GLUD1: variants seen among roughly 807,000 people sequenced by gnomAD.
GLUD1 encodes the protein glutamate dehydrogenase 1, mitochondrial.
Under a neutral mutation model 56.0 loss-of-function variants are expected in GLUD1, and 22 were observed. The ratio of observed to expected loss-of-function variants is 0.39; its 90% CI spans 0.28 to 0.56. GLUD1 has a LOEUF of 0.56. Ranked by LOEUF, GLUD1 falls within the 20% of genes least tolerant of loss-of-function variation. The probability of loss-of-function intolerance (pLI) is 0.58; values close to 1 mark genes in which losing one functional copy is unlikely to be tolerated. For synonymous variants in GLUD1, 223 were observed against 269.9 expected, an observed-to-expected ratio of 0.83 and a Z score of 1.70; for missense variants, 451 against 732.0, an observed-to-expected ratio of 0.62 and a Z score of 4.43.
chr10:87,069,340 C>T (rs1479835280), intron 4 of GLUD1, among the ~76,000 whole-genome samples: 4 of 151,888 alleles, frequency 2.6e-5, no homozygotes, highest in Non-Finnish European at 4.4e-5. Context: ...CATGGTGAAA[C>T]CCTGCCTTTA....
At chr10:87,068,023 A>G (rs376119759) in intron 5 of GLUD1, 40 bp downstream of exon 5, 40 of 1,152,108 alleles carry the variant, frequency 3.5e-5, no homozygotes, top group Non-Finnish European at 4.9e-5. Flanking sequence ...TCTTGTAGAC[A>G]GCAAATGCAG....
At position 87,076,533 on chromosome 10, in the gene GLUD1, T is replaced by G. The variant is rs766039754; in HGVS notation, c.526+43A>C. On this transcript the variant is annotated intron_variant, in intron 2 of 12. Transcript: ENST00000277865. Reference sequence around the variant, plus strand: ...ACAGTAACATGTGTGTAAACATATTTCCCCAGAGTTCTCATTAGGCAGCAA... The same window carrying G: ...ACAGTAACATGTGTGTAAACATATTGCCCCAGAGTTCTCATTAGGCAGCAA... The G allele has an allele frequency of 7.3e-6, 8 of 1,092,056 alleles. No individual in the cohort carries two copies. The South Asian group carries it at 9.9e-5, about 14-fold the overall frequency. 67.6% of individuals were successfully genotyped at this position (1,092,056 alleles called of 1,614,324 possible).
intron 1 of GLUD1, among the ~76,000 whole-genome samples, chr10:87,083,741 T>C (rs990240294): frequency 6.6e-6 from 1 of 152,084 alleles, no homozygotes; most frequent in Non-Finnish European, 1.5e-5. Context: ...TCCTAGCACA[T>C]TGGGAGGCTG....
chr10:87,089,953 T>C (rs971592541), intron 1 of GLUD1, among the ~76,000 whole-genome samples: 1 of 152,238 alleles, frequency 6.6e-6, no homozygotes, highest in Non-Finnish European at 1.5e-5. Context: ...GAATCATGCA[T>C]GTGTATTTTA....
At chr10:87,051,994 AG>A in intron 12 of GLUD1, 124 bp from the exon 13 acceptor site, 1 of 1,112,044 alleles carries the variant, frequency 9.0e-7, no homozygotes, top group South Asian at 1.2e-5. Context: ...GGACTTGGGC[AG>A]CCAAAGACAA....
intron 1 of GLUD1, among the ~76,000 whole-genome samples, chr10:87,091,822 G>A (rs1841515829): frequency 1.3e-5 from 2 of 151,826 alleles, no homozygotes; most frequent in African/African-American, 4.8e-5. Context: ...GATACAGAAA[G>A]CTGAAGGTTG....
chr10:87,056,107 C>A (rs1428776192), intron 11 of GLUD1, among the ~76,000 whole-genome samples: 1 of 94,406 alleles, frequency 1.1e-5, no homozygotes. Flanking sequence ...CAGATCGAGA[C>A]TCTGTCTCAA....
chr10:87,086,026 T>C (rs1841372321), intron 1 of GLUD1, among the ~76,000 whole-genome samples: 1 of 152,184 alleles, frequency 6.6e-6, no homozygotes, highest in Admixed American at 6.5e-5. Flanking sequence ...TTCAAAGGGA[T>C]AAAGGCTTGA....
At chr10:87,069,335 T>C (rs925769938) in intron 4 of GLUD1, among the ~76,000 whole-genome samples, 1 of 151,890 alleles carries the variant, frequency 6.6e-6, no homozygotes, top group African/African-American at 2.4e-5. Context: ...ACCAACATGG[T>C]GAAACCCTGC....
At chr10:87,059,398 G>T in intron 9 of GLUD1, 125 bp from the exon 10 acceptor site, 1 of 922,352 alleles carries the variant, frequency 1.1e-6, no homozygotes, top group Non-Finnish European at 1.8e-6. Context: ...ATATATTTTA[G>T]CCAGTATCAG....
chr10:87,058,290 C>A (rs1017287587), intron 10 of GLUD1, among the ~76,000 whole-genome samples: 9 of 152,176 alleles, frequency 5.9e-5, no homozygotes, highest in Non-Finnish European at 1.3e-4. Context: ...TTCCATAACA[C>A]CCATTACCAG....
At chr10:87,058,707 A>G (rs1197743772) in intron 10 of GLUD1, among the ~76,000 whole-genome samples, 3 of 152,180 alleles carry the variant, frequency 2.0e-5, no homozygotes, top group Non-Finnish European at 4.4e-5. Context: ...CCTGGCCAAC[A>G]TGGTGAAACC....
At chr10:87,077,925 T>C (rs759081655) in intron 1 of GLUD1, among the ~76,000 whole-genome samples, 18 of 152,108 alleles carry the variant, frequency 1.2e-4, no homozygotes, top group Admixed American at 8.5e-4. Context: ...AGAGCTCTTT[T>C]AAAGAATTCT....
chr10:87,061,619 A>ATTT (rs879261811), intron 6 of GLUD1, among the ~76,000 whole-genome samples: 2 of 142,618 alleles, frequency 1.4e-5, no homozygotes, highest in South Asian at 2.3e-4. Flanking sequence ...GAGAAATACA[A>ATTT]TTTTTTTTTT....
intron 1 of GLUD1, among the ~76,000 whole-genome samples, chr10:87,085,024 A>C (rs570563629): frequency 6.6e-6 from 1 of 152,232 alleles, no homozygotes; most frequent in Non-Finnish European, 1.5e-5. Context: ...CATGGGAAGG[A>C]GCACTGCATA....
chr10:87,063,690 T>C (rs1845995330), intron 5 of GLUD1, among the ~76,000 whole-genome samples: 1 of 152,208 alleles, frequency 6.6e-6, no homozygotes, highest in African/African-American at 2.4e-5. Flanking sequence ...ATACTTAATA[T>C]AACATGACAT....
At position 87,094,253 on chromosome 10, in the gene GLUD1, A is replaced by C; in HGVS notation, c.445+72T>G. ...GGGCTGGGCTGAGCAGCGGCCCCGCACCGGCAGGAGGCCGGAGGGGAGGGC... is the reference window on the plus strand; with the variant it reads ...GGGCTGGGCTGAGCAGCGGCCCCGCCCCGGCAGGAGGCCGGAGGGGAGGGC... On this transcript the variant is annotated intron_variant, in intron 1 of 12. Transcript: ENST00000277865. This position sits in a 1 kb window ranked among gnomAD's most constrained non-coding sequence, Gnocchi z 6.6. 1.3e-6 allele frequency: 2 copies of C among 1,516,754 alleles called. No homozygotes were observed. Among genetic ancestry groups the C allele is most frequent in the Non-Finnish European group, 8.9e-7 (1 of 1,121,800 alleles). 94.0% of individuals were successfully genotyped at this position (1,516,754 alleles called of 1,614,324 possible).
At chr10:87,080,035 C>A (rs1331803794) in intron 1 of GLUD1, among the ~76,000 whole-genome samples, 2 of 151,608 alleles carry the variant, frequency 1.3e-5, no homozygotes, top group African/African-American at 4.9e-5. Flanking sequence ...TGCAACCTCC[C>A]TGCCTGATTC....
In GLUD1 at chr10:87,061,073, T is replaced by C. The variant is rs760808833; in HGVS notation, c.922-21A>G. ...AATCCCTGTGAAGAACAATTACCCA[T>C]AACACAAAAATTAAAGTCCTGGTAT... On this transcript the variant is annotated intron_variant, in intron 6 of 12. Transcript: ENST00000277865. 3.1e-6 allele frequency: 5 copies of C among 1,609,830 alleles called. No homozygotes were observed. In the East Asian group the frequency reaches 1.1e-4, roughly 36 times the overall value.
Sources: gnomAD v4.1 joint callset for allele counts (sites outside exome capture counted in the v4.1 genomes callset) on GRCh38, gnomAD v4.1.1 for gene constraint, Gnocchi (gnomAD v3.1) non-coding constraint, MANE v1.5 for transcripts, NCBI Gene and HGNC (gene_info 2026-07-23, HGNC 2026-07-21) for gene names.